The following GPR161 variants were observed in gnomAD, a reference collection of about 807,000 sequenced individuals.
The protein encoded by GPR161 is G protein-coupled receptor 161.
A neutral mutation model predicts 39.2 loss-of-function variants in GPR161; 25 were observed. The observed-to-expected ratio is 0.64, with a 90% confidence interval of 0.47 to 0.89. The LOEUF (loss-of-function observed/expected upper bound fraction) is 0.89, where lower values mean the gene tolerates loss of function less well. Among genes scored for constraint, GPR161 ranks in the 40% least tolerant of loss-of-function variants. GPR161 has a pLI of 0.00. For synonymous variants in GPR161, 286 were observed against 276.6 expected (o/e 1.03, Z -0.34); for missense variants, 547 against 677.8 (o/e 0.81, Z 2.14).
chr1:168,087,737 TAC>T (rs1694680333), intron 4 of GPR161, 33 bp from the exon 5 acceptor site: 6 of 1,581,152 alleles, frequency 3.8e-6, no homozygotes, highest in Non-Finnish European at 5.2e-6. Context: ...CATATGTAAC[TAC>T]AATCTAAAGT....
intron 2 of GPR161, among the ~76,000 whole-genome samples, chr1:168,102,751 T>C (rs1405562826): frequency 6.6e-6 from 1 of 151,000 alleles, no homozygotes; most frequent in African/African-American, 2.4e-5. Flanking sequence ...AGAGACCAGC[T>C]CTCCATCTCT....
In GPR161 at chr1:168,087,333, G is replaced by GT. The variant is rs1491015225; in HGVS notation, c.1324+251_1324+252insA. Reference sequence around the variant, plus strand: ...CTGGGCTGTGTGTGTAAACACGTGTGGGTGTGTGTGTGTGTGTGTGTGTGT... The same window carrying GT: ...CTGGGCTGTGTGTGTAAACACGTGTGTGGTGTGTGTGTGTGTGTGTGTGTGT... On this transcript the variant is annotated intron_variant, in intron 5 of 5. Coordinates refer to ENST00000682931, the MANE Select transcript of GPR161 (RefSeq NM_001375883.1). Among the ~76,000 whole-genome samples, 509 of 148,996 alleles carry GT rather than the reference G, an allele frequency of 3.4e-3. 1 individual carries two copies. The highest frequency in any genetic ancestry group is 0.012 in the African/African-American group (475 of 38,688).
Position 168,085,921 on chromosome 1 carries a change from T to C in GPR161, c.1325-125A>G, listed in dbSNP as rs1326988474. On this transcript the variant is annotated intron_variant, in intron 5 of 5. Coordinates refer to ENST00000682931, the MANE Select transcript of GPR161 (RefSeq NM_001375883.1). ...CAAACCGCAGTTAAGGGCGTGGGTTTCAAAGTTCCATTCCTAGACCAAAAG... is the reference window on the plus strand; with the variant it reads ...CAAACCGCAGTTAAGGGCGTGGGTTCCAAAGTTCCATTCCTAGACCAAAAG... 3 of 784,442 alleles carry C rather than the reference T, an allele frequency of 3.8e-6. No individual in the cohort carries two copies. The African/African-American group carries it at 5.2e-5, about 14-fold the overall frequency. The allele number at this position is 784,442 out of a possible 1,614,324, so 48.6% of individuals were successfully genotyped here. A position where few individuals can be genotyped will look rare whatever the true frequency, so the allele number is the denominator to read the frequency against.
At position 168,085,241 on chromosome 1, in the gene GPR161, C is replaced by T. The variant is rs934027122; in HGVS notation, c.*290G>A. The T allele has an allele frequency of 2.0e-5, 10 of 488,562 alleles. No homozygotes were observed. Among genetic ancestry groups the T allele is most frequent in the African/African-American group, 2.0e-4 (10 of 51,190 alleles). 30.3% of individuals were successfully genotyped at this position (488,562 alleles called of 1,614,324 possible). On this transcript the variant is annotated 3_prime_UTR_variant, in exon 6 of 6. Coordinates refer to ENST00000682931, the MANE Select transcript of GPR161 (RefSeq NM_001375883.1). The stretch of plus-strand genomic sequence containing the variant: ...CCATGCCCCACCTCCCAAAAAGCCA[C>T]AGCCACATCTCTAGATTTTTTTTTG...
Position 168,096,658 on chromosome 1 carries a change from C to T in GPR161, c.949G>A (p.Ala317Thr), listed in dbSNP as rs776373594. ...CCATAGATCAGGGGGTGGCAGACAG[C>T]GCTGGCAAAGGACAGCCATGTGGCC... Reference protein sequence around the residue: ...TWATWLSFASAVCHPLIYGLW... With the variant: ...TWATWLSFASTVCHPLIYGLW... The change falls in exon 3 of 6, where the codon GCT (alanine) becomes ACT (threonine). Residue 317 changes from alanine (A) to threonine (T), a missense_variant. Physicochemically the swap from Ala to Thr is moderately conservative, Grantham distance 58 (BLOSUM62 0). Transcript: ENST00000682931. 3.1e-6 allele frequency: 5 copies of T among 1,614,190 alleles called. No individual in the cohort carries two copies. Among genetic ancestry groups the T allele is most frequent in the Admixed American group, 3.3e-5 (2 of 60,020 alleles).
intron 4 of GPR161, 93 bp downstream of exon 4, chr1:168,090,471 G>C: frequency 1.5e-6 from 1 of 657,450 alleles, no homozygotes; most frequent in South Asian, 2.1e-5. Flanking sequence ...CCCTCCGCCA[G>C]CTCTTGAGCC....
At chr1:168,120,908 A>G (rs1245761830) in intron 1 of GPR161, among the ~76,000 whole-genome samples, 2 of 152,152 alleles carry the variant, frequency 1.3e-5, no homozygotes, top group African/African-American at 4.8e-5. Context: ...TTTATAAATT[A>G]CCCAGTCTCA....
At chr1:168,119,248 A>ATATG (rs1697931202) in intron 1 of GPR161, among the ~76,000 whole-genome samples, 6 of 115,542 alleles carry the variant, frequency 5.2e-5, no homozygotes, top group African/African-American at 2.4e-4. Flanking sequence ...ATATACACAT[A>ATATG]TATATATACG....
chr1:168,114,001 A>C lies in GPR161; in HGVS notation c.-44-9107T>G, dbSNP rs556130706. 3.9e-5 allele frequency among the ~76,000 whole-genome samples: 6 copies of C among 152,310 alleles called. No individual in the cohort carries two copies. The South Asian group carries it at 1.0e-3, about 26-fold the overall frequency. ...CATTAAAAAACAAAAATAAAAAATAAGGCAATACTAGGGTATTGAGACAGG... is the reference window on the plus strand; with the variant it reads ...CATTAAAAAACAAAAATAAAAAATACGGCAATACTAGGGTATTGAGACAGG... On this transcript the variant is annotated intron_variant, in intron 1 of 5. Coordinates refer to ENST00000682931, the MANE Select transcript of GPR161 (RefSeq NM_001375883.1).
Position 168,084,887 on chromosome 1 carries a change from C to T in GPR161, c.*644G>A, listed in dbSNP as rs1006133442. The T allele has an allele frequency of 4.4e-5, 20 of 456,088 alleles. No individual in the cohort carries two copies. The highest frequency in any genetic ancestry group is 2.6e-4 in the Admixed American group (11 of 42,552). The allele number at this position is 456,088 out of a possible 1,614,324, so 28.3% of individuals were successfully genotyped here. On this transcript the variant is annotated 3_prime_UTR_variant, in exon 6 of 6. Transcript: ENST00000682931. The stretch of plus-strand genomic sequence containing the variant: ...TCAGTAGGGAAGTAGGCAGGGTGGG[C>T]CAGTCTGCAAGAGGCCTGTGGCTGT...
intron 1 of GPR161, among the ~76,000 whole-genome samples, chr1:168,119,524 T>C (rs1158468114): frequency 6.6e-6 from 1 of 151,890 alleles, no homozygotes; most frequent in African/African-American, 2.4e-5. Flanking sequence ...TGGGGAGTTA[T>C]AGTTTAATGA....
Position 168,096,995 on chromosome 1 carries a change from C to T in GPR161, c.612G>A (p.Met204Ile). 6.2e-7 allele frequency: 1 copy of T among 1,614,172 alleles called. No individual in the cohort carries two copies. Among genetic ancestry groups the T allele is most frequent in the Middle Eastern group, 1.6e-4 (1 of 6,062 alleles). ...IWCALFPFLV[M>I]LVCYGFIFRV... Reference sequence around the variant, plus strand: ...GGAAGATGAAGCCATAGCACACCAGCATGACCAGAAAGGGGAAGAGGGCAC... The same window carrying T: ...GGAAGATGAAGCCATAGCACACCAGTATGACCAGAAAGGGGAAGAGGGCAC... Residue 204 changes from methionine (M) to isoleucine (I), a missense_variant, in exon 3 of 6, where the codon ATG becomes ATA. Coordinates refer to ENST00000682931, the MANE Select transcript of GPR161 (RefSeq NM_001375883.1).
chr1:168,090,709 G>T, intron 3 of GPR161, 41 bp from the exon 4 acceptor site: 1 of 1,175,960 alleles, frequency 8.5e-7, no homozygotes, highest in Non-Finnish European at 1.2e-6. Flanking sequence ...ATCACACTCT[G>T]CAAGGAGGGG....
At chr1:168,121,415 G>A (rs1698148868) in intron 1 of GPR161, among the ~76,000 whole-genome samples, 1 of 152,156 alleles carries the variant, frequency 6.6e-6, no homozygotes, top group Non-Finnish European at 1.5e-5. Flanking sequence ...ACCATAGACT[G>A]TCGGTGAATT....
At chr1:168,117,757 C>T (rs1315390813) in intron 1 of GPR161, among the ~76,000 whole-genome samples, 2 of 152,164 alleles carry the variant, frequency 1.3e-5, no homozygotes, top group African/African-American at 4.8e-5. Context: ...TCCATCCATT[C>T]ACCACAGCAG....
chr1:168,135,110 A>G (rs1699267316), intron 1 of GPR161: 2 of 1,437,848 alleles, frequency 1.4e-6, no homozygotes, highest in Non-Finnish European at 1.8e-6. Context: ...CGGGCCTCTT[A>G]ATGAGGGGTC....
In GPR161 at chr1:168,085,629, C is replaced by T. The variant is rs1233923449; in HGVS notation, c.1492G>A (p.Gly498Ser). ...LVTARTVPGG[G>S]FGGRRGSRTL... ...CTGCTGCCTCGGCGGCCCCCGAAGC[C>T]GCCCCCCGGGACAGTCCGTGCTGTA... The change falls in exon 6 of 6, where the codon GGC becomes AGC. Residue 498 changes from glycine to serine, a missense_variant. Physicochemically the swap from Gly to Ser is moderately conservative, Grantham distance 56 (BLOSUM62 0). Coordinates refer to ENST00000682931, the MANE Select transcript of GPR161 (RefSeq NM_001375883.1). The T allele has an allele frequency of 1.5e-5, 24 of 1,613,968 alleles. No individual in the cohort carries two copies. The highest frequency in any genetic ancestry group is 2.2e-5 in the South Asian group (2 of 91,094).
intron 1 of GPR161, among the ~76,000 whole-genome samples, chr1:168,131,600 G>A (rs1698996961): frequency 1.3e-5 from 2 of 152,062 alleles, no homozygotes; most frequent in African/African-American, 2.4e-5. Context: ...ATTTTTAAAT[G>A]GAGAAAAGCA....
At position 168,122,499 on chromosome 1, in the gene GPR161, C is replaced by T. The variant is rs1007091556; in HGVS notation, c.-45+14240G>A. Among the ~76,000 whole-genome samples the T allele has an allele frequency of 5.3e-5, 8 of 152,280 alleles. 1 individual carries two copies. The highest frequency in any genetic ancestry group is 4.6e-4 in the Admixed American group (7 of 15,296). ...AACAAGTCACGGCTTCCCTCAAAACCGTAAAAAGATTCCCATGTCACACAG... is the reference window on the plus strand; with the variant it reads ...AACAAGTCACGGCTTCCCTCAAAACTGTAAAAAGATTCCCATGTCACACAG... On this transcript the variant is annotated intron_variant, in intron 1 of 5. Transcript: ENST00000682931.
Sources: gnomAD v4.1 joint callset for allele counts (sites outside exome capture counted in the v4.1 genomes callset) on GRCh38, gnomAD v4.1.1 for gene constraint, MANE v1.5 for transcripts, NCBI Gene and HGNC (gene_info 2026-07-23, HGNC 2026-07-21) for gene names.